The following CLVS1 variants were observed in gnomAD, a reference collection of about 807,000 sequenced individuals.
The protein encoded by CLVS1 is clavesin-1.
CLVS1 carries 10 observed loss-of-function variants against 33.1 expected under a neutral mutation model. The observed-to-expected ratio is 0.30, with a 90% CI of 0.19 to 0.51. The LOEUF is 0.51. Ranked by LOEUF, CLVS1 falls within the 20% of genes least tolerant of loss-of-function variation. CLVS1 has a pLI of 0.97. For synonymous variants in CLVS1, 163 were observed against 166.1 expected, an observed-to-expected ratio of 0.98 and a Z score of 0.14; for missense variants, 343 against 433.4, an observed-to-expected ratio of 0.79 and a Z score of 1.85.
intron 1 of CLVS1, among the ~76,000 whole-genome samples, chr8:61,072,843 G>A (rs1287858530): frequency 6.6e-6 from 1 of 152,130 alleles, no homozygotes; most frequent in Non-Finnish European, 1.5e-5. Flanking sequence ...TTGCCTTTAG[G>A]TTAAATATCT....
chr8:61,041,639 A>G, the CLVS1 span, among the ~76,000 whole-genome samples: 1 of 151,968 alleles, frequency 6.6e-6, no homozygotes, highest in East Asian at 1.9e-4. Context: ...GAATGTTATC[A>G]GTGTATATAA....
At position 61,176,705 on chromosome 8, in the gene CLVS1, C is replaced by A. The variant is rs181101821; in HGVS notation, c.-152+44845C>A. ...GAGAGGAAGGAAGAGCAGTGTTGTG[C>A]GGCAGCCCACGGGAGAGCCACATGA... On this transcript the variant is annotated intron_variant, in intron 2 of 2. Transcript: ENST00000522621. Among the ~76,000 whole-genome samples the A allele has an allele frequency of 2.3e-3, 348 of 152,238 alleles. 1 individual carries two copies. The highest frequency in any genetic ancestry group is 7.9e-3 in the African/African-American group (330 of 41,548).
intron 2 of CLVS1, among the ~76,000 whole-genome samples, chr8:61,244,955 A>G (rs1808775969): frequency 6.6e-6 from 1 of 152,152 alleles, no homozygotes; most frequent in Non-Finnish European, 1.5e-5. Context: ...CCTGTCAAGA[A>G]TTTCTTTACA....
intron 1 of CLVS1, among the ~76,000 whole-genome samples, chr8:61,077,905 A>C (rs1420083214): frequency 6.6e-6 from 1 of 152,164 alleles, no homozygotes; most frequent in Non-Finnish European, 1.5e-5. Flanking sequence ...CTGCGTTGCC[A>C]TGCACTGGGC....
intron 2 of CLVS1, among the ~76,000 whole-genome samples, chr8:61,182,194 A>G (rs1482995474): frequency 1.3e-5 from 2 of 152,226 alleles, no homozygotes; most frequent in East Asian, 1.9e-4. Context: ...GATGGATTAA[A>G]GACTTAAATG....
At chr8:61,010,893 CA>C in the CLVS1 span, among the ~76,000 whole-genome samples, 5 of 152,356 alleles carry the variant, frequency 3.3e-5, no homozygotes, top group Admixed American at 3.3e-4. Context: ...AGAAGCAGCG[CA>C]GCGCCTGGCT....
chr8:61,410,767 G>A (rs1450126787), intron 3 of CLVS1, among the ~76,000 whole-genome samples: 4 of 151,884 alleles, frequency 2.6e-5, no homozygotes, highest in African/African-American at 7.3e-5. Flanking sequence ...TCAGCCTCCC[G>A]AGTAGCTGGG....
At position 61,499,708 on chromosome 8, in the gene CLVS1, C is replaced by CAA. The variant is rs1011464505; in HGVS notation, c.*168_*169dup. ...GTCACCAGCCATCGGTCTGAGCAGC[C>CAA]AAAGTTGGACAAAGACTTGAGAGAT... is the stretch of plus-strand genomic sequence containing the variant. On this transcript the variant is annotated 3_prime_UTR_variant, in exon 6 of 6. Transcript: ENST00000325897. 4.9e-5 allele frequency: 22 copies of CAA among 448,048 alleles called. No individual in the cohort carries two copies. The highest frequency in any genetic ancestry group is 3.9e-4 in the African/African-American group (20 of 51,732). The allele number at this position is 448,048 out of a possible 1,614,324, so 27.8% of individuals were successfully genotyped here.
At chr8:61,098,378 T>A (rs147044697) in intron 1 of CLVS1, among the ~76,000 whole-genome samples, 2 of 149,708 alleles carry the variant, frequency 1.3e-5, no homozygotes, top group Non-Finnish European at 3.0e-5. Flanking sequence ...TGAAATCAGA[T>A]TAAAATTCCC....
intron 2 of CLVS1, among the ~76,000 whole-genome samples, chr8:61,346,048 C>G (rs1024656118): frequency 6.6e-6 from 1 of 152,006 alleles, no homozygotes; most frequent in Non-Finnish European, 1.5e-5. Flanking sequence ...GTATATTGGC[C>G]TAATGGACTA....
chr8:60,992,558 A>C, the CLVS1 span, among the ~76,000 whole-genome samples: 361 of 152,336 alleles, frequency 2.4e-3, 2 homozygotes, highest in African/African-American at 8.3e-3. Flanking sequence ...TTTGTACTGG[A>C]GAGAAAAAAC....
chr8:61,159,356 C>G (rs1437323139), intron 2 of CLVS1, among the ~76,000 whole-genome samples: 1 of 152,170 alleles, frequency 6.6e-6, no homozygotes, highest in Non-Finnish European at 1.5e-5. Context: ...GCTAGTTACT[C>G]CTGGGGCTGG....
At chr8:61,108,866 C>T (rs910829915) in intron 1 of CLVS1, among the ~76,000 whole-genome samples, 4 of 152,230 alleles carry the variant, frequency 2.6e-5, no homozygotes, top group Admixed American at 2.0e-4. Flanking sequence ...CAGTTCAGCC[C>T]TCATGTTTAA....
chr8:61,044,441 T>C, the CLVS1 span, among the ~76,000 whole-genome samples: 1 of 151,470 alleles, frequency 6.6e-6, no homozygotes, highest in Admixed American at 6.6e-5. Context: ...TGTTGTAAAA[T>C]GAAAGTGGCA....
At chr8:61,437,483 G>A (rs1300110539) in intron 3 of CLVS1, among the ~76,000 whole-genome samples, 1 of 152,144 alleles carries the variant, frequency 6.6e-6, no homozygotes, top group Non-Finnish European at 1.5e-5. Context: ...TGTATACTTA[G>A]CAATTAGGGG....
At position 61,214,448 on chromosome 8, in the gene CLVS1, C is replaced by G. The variant is rs139486819; in HGVS notation, c.-152+82588C>G. ...CCTTTATTTCTCAAGCTGGCTGACG[C>G]TTAAGGAAAATAGAAAAGAACCTAT... On this transcript the variant is annotated intron_variant, in intron 2 of 2. Coordinates refer to the CLVS1 transcript ENST00000522621. Among the ~76,000 whole-genome samples the G allele has an allele frequency of 7.2e-5, 11 of 152,164 alleles. No homozygotes were observed. In the East Asian group the frequency reaches 2.1e-3, roughly 29 times the overall value.
rs574031088 is a variant in CLVS1 at position 61,381,953 on chromosome 8, C to T, written c.630+5174C>T. ...GATTTATATTCTTTTGGGTATTTAC[C>T]CAGTAATGAGATTGCTGGGTTGAAT... is the stretch of plus-strand genomic sequence containing the variant. On this transcript the variant is annotated intron_variant, in intron 3 of 5. Coordinates refer to ENST00000325897, the MANE Select transcript of CLVS1 (RefSeq NM_173519.3). 1.5e-4 allele frequency among the ~76,000 whole-genome samples: 23 copies of T among 152,134 alleles called. No homozygotes were observed. The South Asian group carries it at 4.6e-3, about 30-fold the overall frequency.
In CLVS1 at chr8:61,232,039, T is replaced by TTTTTTTTTG. The variant is rs1808453343; in HGVS notation, c.-151-67630_-151-67629insGTTTTTTTT. ...AAAGTTGTGGTTTTTTTTTTTTTTT[T>TTTTTTTTTG]TTTTTTTTTTTGTGAGATGGAGTCT... On this transcript the variant is annotated intron_variant, in intron 2 of 2. Coordinates refer to the CLVS1 transcript ENST00000522621. Among the ~76,000 whole-genome samples the TTTTTTTTTG allele has an allele frequency of 1.5e-5, 2 of 135,126 alleles. 1 individual carries two copies. The highest frequency in any genetic ancestry group is 6.2e-5 in the African/African-American group (2 of 32,086). The allele number at this position is 135,126 out of a possible 152,430, so 88.6% of individuals were successfully genotyped here.
chr8:61,200,455 C>A (rs902352529), intron 2 of CLVS1, among the ~76,000 whole-genome samples: 1 of 152,210 alleles, frequency 6.6e-6, no homozygotes, highest in African/African-American at 2.4e-5. Flanking sequence ...CACAATGCAT[C>A]GTTCCATATG....
Sources: allele counts gnomAD v4.1 joint callset (sites outside exome capture counted in the v4.1 genomes callset), GRCh38; gene constraint gnomAD v4.1.1; transcripts MANE v1.5; gene names NCBI Gene and HGNC (gene_info 2026-07-23, HGNC 2026-07-21).